Variants in CASK observed in about 807,000 individuals in gnomAD.
CASK encodes the protein peripheral plasma membrane protein CASK.
CASK carries 4 observed loss-of-function variants against 82.9 expected under a neutral mutation model. The observed-to-expected ratio is 0.05, with a 90% confidence interval of 0.02 to 0.11. The LOEUF (loss-of-function observed/expected upper bound fraction) is 0.11, where lower values mean the gene tolerates loss of function less well. Among genes scored for constraint, CASK ranks in the 10% least tolerant of loss-of-function variants. The pLI is 1.00. For synonymous variants in CASK, 259 were observed against 253.5 expected (o/e 1.02, Z -0.20); for missense variants, 358 against 720.9 (o/e 0.50, Z 5.76).
At position 41,923,224 on chromosome X, in the gene CASK, C is replaced by G. The variant is rs1208243686; in HGVS notation, c.-236G>C. The G allele has an allele frequency of 9.4e-6, 1 of 106,317 alleles. No homozygotes were observed. The highest frequency in any genetic ancestry group is 2.0e-5 in the Non-Finnish European group (1 of 50,902). 8.8% of individuals were successfully genotyped at this position (106,317 alleles called of 1,213,427 possible). On this transcript the variant is annotated 5_prime_UTR_variant, in exon 1 of 27. Coordinates refer to ENST00000378163, the MANE Select transcript of CASK (RefSeq NM_001367721.1). ...GCGCGGGAGCGAGGGCGGCCCGGGC[C>G]CGGCGCCGCCCGCCCGCCCGCTGCT... is the stretch of plus-strand genomic sequence containing the variant.
Position 41,732,983 on chromosome X carries a change from T to G in CASK, c.429+6401A>C, listed in dbSNP as rs192001156. On this transcript the variant is annotated intron_variant, in intron 5 of 26. Transcript: ENST00000378163. ...GAGTTCGAGATCAGCCTGGCCAACATGGTGAAACCCTGTCTCTACTAAAAA... is the reference window on the plus strand; with the variant it reads ...GAGTTCGAGATCAGCCTGGCCAACAGGGTGAAACCCTGTCTCTACTAAAAA... Among the ~76,000 whole-genome samples the G allele has an allele frequency of 4.6e-3, 502 of 109,457 alleles. 5 individuals are homozygous for G. The highest frequency in any genetic ancestry group is 0.016 in the African/African-American group (481 of 30,075).
chrX:41,583,602 A>ATTT (rs1359575841), intron 14 of CASK, among the ~76,000 whole-genome samples: 1 of 90,547 alleles, frequency 1.1e-5, no homozygotes. Context: ...ACGCCAGGCT[A>ATTT]TTTTTTTTTT....
In CASK at chrX:41,665,261, G is replaced by A. The variant is rs1357488911; in HGVS notation, c.708+16C>T. On this transcript the variant is annotated intron_variant, in intron 7 of 26. Coordinates refer to ENST00000378163, the MANE Select transcript of CASK (RefSeq NM_001367721.1). ...ATTAATCTCAATGGAAAAAGAAAAT[G>A]TTCATGATGCATTACCTTATATTTT... The A allele has an allele frequency of 6.0e-6, 7 of 1,158,872 alleles. No individual in the cohort carries two copies. The highest frequency in any genetic ancestry group is 4.5e-5 in the Admixed American group (2 of 44,835).
chrX:41,787,509 T>C (rs2069632771), intron 2 of CASK, among the ~76,000 whole-genome samples: 1 of 94,778 alleles, frequency 1.1e-5, no homozygotes, highest in Non-Finnish European at 2.1e-5. Flanking sequence ...AGTGAGCTTT[T>C]AATAAAAAAA....
intron 5 of CASK, among the ~76,000 whole-genome samples, chrX:41,718,813 A>G (rs1458795945): frequency 1.8e-5 from 2 of 111,806 alleles, no homozygotes; most frequent in Non-Finnish European, 3.8e-5. Context: ...AGCACAAGAG[A>G]GAGAGAATTC....
intron 1 of CASK, among the ~76,000 whole-genome samples, chrX:41,900,739 CT>C (rs759671263): frequency 4.4e-3 from 221 of 50,134 alleles, no homozygotes; most frequent in African/African-American, 0.015. Context: ...ATTTTGAAAT[CT>C]TTTTTTTTTT....
intron 8 of CASK, among the ~76,000 whole-genome samples, chrX:41,645,313 A>T (rs772321898): frequency 1.3e-4 from 15 of 111,940 alleles, no homozygotes; most frequent in African/African-American, 4.2e-4. Flanking sequence ...CTGCAGCCGA[A>T]TGCCATTATA....
chrX:41,710,081 T>TGTGTG (rs2067947788), intron 5 of CASK, among the ~76,000 whole-genome samples: 6 of 72,185 alleles, frequency 8.3e-5, no homozygotes, highest in African/African-American at 1.1e-4. Flanking sequence ...GGTATAGATT[T>TGTGTG]TGTGTGTGTG....
At chrX:41,754,060 G>GCAGTA (rs1433429908) in intron 3 of CASK, among the ~76,000 whole-genome samples, 1 of 111,192 alleles carries the variant, frequency 9.0e-6, no homozygotes, top group African/African-American at 3.3e-5. Context: ...TGTAGGTAAA[G>GCAGTA]CAGTACTTAG....
chrX:41,531,335 C>G (rs2064801187), intron 24 of CASK, 126 bp from the exon 25 acceptor site: 1 of 574,748 alleles, frequency 1.7e-6, no homozygotes, highest in Admixed American at 2.4e-5. Flanking sequence ...TATCTCATAT[C>G]CCCTGTTCTC....
intron 3 of CASK, among the ~76,000 whole-genome samples, chrX:41,774,892 G>A (rs2069320858): frequency 2.7e-5 from 3 of 111,236 alleles, no homozygotes; most frequent in African/African-American, 9.8e-5. Context: ...ATTCAAGATG[G>A]GTTAAAGACT....
intron 1 of CASK, among the ~76,000 whole-genome samples, chrX:41,917,896 C>A (rs185477449): frequency 8.9e-6 from 1 of 111,741 alleles, no homozygotes; most frequent in African/African-American, 3.3e-5. Context: ...CATCCACACC[C>A]TGAGTTCAAA....
rs2064608404 is a variant in CASK at position 41,519,701 on chromosome X, A to G, written c.*719T>C. 9.0e-6 allele frequency: 1 copy of G among 110,826 alleles called. No homozygotes were observed. Among genetic ancestry groups the G allele is most frequent in the Non-Finnish European group, 1.9e-5 (1 of 52,987 alleles). The allele number at this position is 110,826 out of a possible 1,213,427, so 9.1% of individuals were successfully genotyped here. On this transcript the variant is annotated 3_prime_UTR_variant, in exon 27 of 27. Transcript: ENST00000378163. Reference sequence around the variant, plus strand: ...GAATGTAGAATGTACTTTGCTGTAGATTACAGATTGTTTTGTCCAACACAG... The same window carrying G: ...GAATGTAGAATGTACTTTGCTGTAGGTTACAGATTGTTTTGTCCAACACAG...
intron 2 of CASK, among the ~76,000 whole-genome samples, chrX:41,801,422 T>C (rs1009113099): frequency 1.8e-5 from 2 of 112,108 alleles, no homozygotes; most frequent in Admixed American, 9.5e-5. Context: ...CTGTGATGGC[T>C]GTCCCAGCCT....
At chrX:41,821,108 A>C (rs894677745) in intron 2 of CASK, among the ~76,000 whole-genome samples, 5 of 111,264 alleles carry the variant, frequency 4.5e-5, no homozygotes, top group African/African-American at 1.6e-4. Context: ...AAAAACTTCT[A>C]CTCTTTTAAA....
chrX:41,867,529 A>G (rs897468624), intron 1 of CASK, among the ~76,000 whole-genome samples: 1 of 112,583 alleles, frequency 8.9e-6, no homozygotes, highest in African/African-American at 3.2e-5. Context: ...CATGTTAACT[A>G]TTTTTTAAAC....
At position 41,780,810 on chromosome X, in the gene CASK, G is replaced by A. The variant is rs187365832; in HGVS notation, c.278+6368C>T. 1.8e-3 allele frequency among the ~76,000 whole-genome samples: 199 copies of A among 110,070 alleles called. 3 individuals are homozygous for A. The highest frequency in any genetic ancestry group is 0.017 in the Admixed American group (172 of 10,255). The stretch of plus-strand genomic sequence containing the variant: ...ATTACAGGTGTGTGCCACCACACCC[G>A]GCTAATTTTTGTATTTTTAGTAGAG... On this transcript the variant is annotated intron_variant, in intron 3 of 26. Coordinates refer to ENST00000378163, the MANE Select transcript of CASK (RefSeq NM_001367721.1).
intron 8 of CASK, among the ~76,000 whole-genome samples, chrX:41,648,153 G>T (rs960796076): frequency 5.4e-5 from 6 of 111,205 alleles, no homozygotes; most frequent in Admixed American, 4.8e-4. Context: ...CTAGGAGTAA[G>T]TCTTTGAACT....
At chrX:41,656,195 C>T (rs2147450632) in intron 8 of CASK, among the ~76,000 whole-genome samples, 1 of 111,935 alleles carries the variant, frequency 8.9e-6, no homozygotes, top group South Asian at 3.7e-4. Context: ...TCTTTTGTAT[C>T]ATTTCAGGCA....
Sources: allele counts gnomAD v4.1 joint callset (sites outside exome capture counted in the v4.1 genomes callset), GRCh38; gene constraint gnomAD v4.1.1; transcripts MANE v1.5; gene names NCBI Gene and HGNC (gene_info 2026-07-23, HGNC 2026-07-21).